The following MRPS27 variants were observed in gnomAD, a reference collection of about 807,000 sequenced individuals.
MRPS27 encodes mitochondrial ribosomal protein S27.
Under a neutral mutation model 48.9 loss-of-function variants are expected in MRPS27, and 43 were observed. The ratio of observed to expected loss-of-function variants is 0.88; its 90% confidence interval spans 0.69 to 1.13. The LOEUF (loss-of-function observed/expected upper bound fraction) is 1.13, where lower values mean the gene tolerates loss of function less well. Among genes scored for constraint, MRPS27 ranks in the 50% most tolerant of loss-of-function variants. The probability of loss-of-function intolerance (pLI) is 0.00; values close to 1 mark genes in which losing one functional copy is unlikely to be tolerated. For synonymous variants in MRPS27, 188 were observed against 171.9 expected, an observed-to-expected ratio of 1.09 and a Z score of -0.73; for missense variants, 467 against 476.3, an observed-to-expected ratio of 0.98 and a Z score of 0.18.
chr5:72,284,503 G>A (rs7700886), intron 4 of MRPS27, among the ~76,000 whole-genome samples: 1,660 of 151,824 alleles, frequency 0.011, 29 homozygotes, highest in African/African-American at 0.038. Flanking sequence ...AAAGAGAAGG[G>A]GGGAGGGAAG....
intron 4 of MRPS27, among the ~76,000 whole-genome samples, chr5:72,244,300 G>T (rs773217654): frequency 2.6e-5 from 4 of 152,034 alleles, no homozygotes; most frequent in Non-Finnish European, 5.9e-5. Flanking sequence ...CACATTTTTT[G>T]AAATGAAGAT....
intron 5 of MRPS27, 148 bp downstream of exon 5, chr5:72,237,866 C>T: frequency 5.4e-6 from 3 of 560,176 alleles, no homozygotes; most frequent in Non-Finnish European, 6.4e-6. Flanking sequence ...GAACTTATAC[C>T]CAGCTCCATT....
At chr5:72,233,123 T>G (rs2111952030) in intron 6 of MRPS27, among the ~76,000 whole-genome samples, 1 of 152,272 alleles carries the variant, frequency 6.6e-6, no homozygotes, top group Non-Finnish European at 1.5e-5. Context: ...TCTCAGGTGT[T>G]ATTTCAAAGA....
chr5:72,290,358 T>C lies in MRPS27; in HGVS notation c.281+5173A>G, dbSNP rs1228918066. On this transcript the variant is annotated intron_variant, in intron 4 of 10. Transcript: ENST00000261413. ...ATCCCTTTTAAAAGGGGATCTCTTATAGAGGAACAGCTAAGCCTGGTCTCT... is the reference window on the plus strand; with the variant it reads ...ATCCCTTTTAAAAGGGGATCTCTTACAGAGGAACAGCTAAGCCTGGTCTCT... 2.0e-5 allele frequency among the ~76,000 whole-genome samples: 3 copies of C among 152,216 alleles called. No individual in the cohort carries two copies. In the South Asian group the frequency reaches 6.2e-4, roughly 31 times the overall value.
chr5:72,302,395 C>T (rs1750149010), intron 2 of MRPS27, among the ~76,000 whole-genome samples: 1 of 152,096 alleles, frequency 6.6e-6, no homozygotes, highest in Non-Finnish European at 1.5e-5. Flanking sequence ...AAACAATAGC[C>T]CCAGAAGATT....
At chr5:72,310,935 A>G (rs886824762) in intron 2 of MRPS27, among the ~76,000 whole-genome samples, 3 of 152,360 alleles carry the variant, frequency 2.0e-5, no homozygotes, top group Admixed American at 6.5e-5. Flanking sequence ...CACTGAGAGT[A>G]TTCTGGCTGG....
intron 4 of MRPS27, among the ~76,000 whole-genome samples, chr5:72,252,066 A>G (rs186415024): frequency 1.4e-4 from 21 of 152,338 alleles, no homozygotes; most frequent in African/African-American, 4.8e-4. Context: ...ACAAATATAC[A>G]ATAGTTTTTC....
At chr5:72,308,173 G>A (rs1750329658) in intron 2 of MRPS27, among the ~76,000 whole-genome samples, 1 of 152,202 alleles carries the variant, frequency 6.6e-6, no homozygotes, top group Non-Finnish European at 1.5e-5. Flanking sequence ...CCTCACGCTA[G>A]GGCCCTCCCC....
chr5:72,310,912 AG>A (rs1303486634), intron 2 of MRPS27, among the ~76,000 whole-genome samples: 1 of 152,236 alleles, frequency 6.6e-6, no homozygotes, highest in Non-Finnish European at 1.5e-5. Context: ...ATACCCTGGC[AG>A]GGGCACAACA....
In MRPS27 at chr5:72,222,243, G is replaced by A. The variant is rs139983721; in HGVS notation, c.1006-1095C>T. 1.4e-4 allele frequency among the ~76,000 whole-genome samples: 21 copies of A among 152,330 alleles called. No individual in the cohort carries two copies. In the East Asian group the frequency reaches 4.1e-3, roughly 29 times the overall value. ...CAACGCTCTCCATGTGGGGTTTGAG[G>A]CCAACAAGACAGCTTGGGACACCAG... On this transcript the variant is annotated intron_variant, in intron 10 of 10. Transcript: ENST00000261413.
intron 4 of MRPS27, among the ~76,000 whole-genome samples, chr5:72,278,788 G>A (rs1456826782): frequency 1.3e-5 from 2 of 152,154 alleles, no homozygotes; most frequent in East Asian, 1.9e-4. Flanking sequence ...ATGTGTATGT[G>A]TGTATAGATA....
chr5:72,262,495 C>A (rs1749007988), intron 4 of MRPS27, among the ~76,000 whole-genome samples: 1 of 152,154 alleles, frequency 6.6e-6, no homozygotes, highest in Admixed American at 6.5e-5. Flanking sequence ...CTGAATACTG[C>A]TGAATGCTAG....
chr5:72,310,562 A>G (rs1750418529), intron 2 of MRPS27, among the ~76,000 whole-genome samples: 1 of 152,250 alleles, frequency 6.6e-6, no homozygotes, highest in Non-Finnish European at 1.5e-5. Context: ...CAGATAAATG[A>G]GAAAGAAATG....
intron 4 of MRPS27, among the ~76,000 whole-genome samples, chr5:72,272,087 C>G (rs1017367176): frequency 2.0e-5 from 3 of 152,158 alleles, no homozygotes; most frequent in Non-Finnish European, 4.4e-5. Flanking sequence ...ATTCCCCCCC[C>G]ATCTCCTGCC....
chr5:72,318,741 C>T (rs532420712), intron 1 of MRPS27, among the ~76,000 whole-genome samples: 23 of 151,568 alleles, frequency 1.5e-4, no homozygotes, highest in African/African-American at 5.6e-4. Flanking sequence ...CTGCAGTAAG[C>T]CGAGATCGTG....
At chr5:72,259,917 T>G (rs1442227432) in intron 4 of MRPS27, among the ~76,000 whole-genome samples, 5 of 152,276 alleles carry the variant, frequency 3.3e-5, no homozygotes, top group African/African-American at 1.2e-4. Flanking sequence ...ATTATGTTAT[T>G]TATTTGCATA....
intron 4 of MRPS27, among the ~76,000 whole-genome samples, chr5:72,261,112 C>T (rs550352369): frequency 6.6e-6 from 1 of 152,326 alleles, no homozygotes; most frequent in Admixed American, 6.5e-5. Context: ...GATCCGCCCA[C>T]CTTGGCCTCC....
chr5:72,247,668 C>G (rs2111977147), intron 4 of MRPS27, among the ~76,000 whole-genome samples: 1 of 152,304 alleles, frequency 6.6e-6, no homozygotes, highest in African/African-American at 2.4e-5. Flanking sequence ...AGCAATTGAT[C>G]ACTCCATTAG....
At position 72,221,159 on chromosome 5, in the gene MRPS27, CA is replaced by C. The variant is rs751460414; in HGVS notation, c.1006-12del. Reference sequence around the variant, plus strand: ...CTTAGAATGTAAGGCCTGTTGGAAACAAATGGGAAAAATGAGAAGAAAGGTA... The same window carrying C: ...CTTAGAATGTAAGGCCTGTTGGAAACAATGGGAAAAATGAGAAGAAAGGTA... On this transcript the variant is annotated splice_polypyrimidine_tract_variant and intron_variant, in intron 10 of 10. Coordinates refer to ENST00000261413, the MANE Select transcript of MRPS27 (RefSeq NM_015084.3). 52 of 1,611,114 alleles carry C rather than the reference CA, an allele frequency of 3.2e-5. No individual in the cohort carries two copies. In the Admixed American group the frequency reaches 8.6e-4, roughly 27 times the overall value.
Sources: gnomAD v4.1 joint callset for allele counts (sites outside exome capture counted in the v4.1 genomes callset) on GRCh38, gnomAD v4.1.1 for gene constraint, MANE v1.5 for transcripts, NCBI Gene and HGNC (gene_info 2026-07-23, HGNC 2026-07-21) for gene names.